The following SYNE2 variants were observed in gnomAD, a reference collection of about 807,000 sequenced individuals.
SYNE2 encodes the protein spectrin repeat containing nuclear envelope protein 2.
In SYNE2, 431 loss-of-function variants were observed where a neutral mutation model predicts 856.3. That is an observed-to-expected ratio of 0.50 (90% CI 0.47 to 0.55). The LOEUF is 0.55. SYNE2 is among the 20% of genes least tolerant of loss of function. The probability of loss-of-function intolerance (pLI) is 0.00; values close to 1 mark genes in which losing one functional copy is unlikely to be tolerated. For synonymous variants in SYNE2, 2,923 were observed against 2,872.3 expected (o/e 1.02, Z -0.56); for missense variants, 8,129 against 8,023.2 (o/e 1.01, Z -0.50).
intron 1 of SYNE2, among the ~76,000 whole-genome samples, chr14:63,783,427 G>T (rs983286205): frequency 6.6e-6 from 1 of 152,044 alleles, no homozygotes; most frequent in African/African-American, 2.4e-5. Flanking sequence ...GCCCAGGCCG[G>T]AGTGCAGTGG....
intron 49 of SYNE2, among the ~76,000 whole-genome samples, chr14:64,058,210 G>C (rs2097288548): frequency 6.6e-6 from 1 of 152,190 alleles, no homozygotes; most frequent in Non-Finnish European, 1.5e-5. Flanking sequence ...TGGTGTCCTA[G>C]AGAGTTTTCC....
intron 31 of SYNE2, among the ~76,000 whole-genome samples, chr14:64,007,490 T>C (rs1567036429): frequency 6.6e-6 from 1 of 152,090 alleles, no homozygotes; most frequent in Non-Finnish European, 1.5e-5. Flanking sequence ...ACTGGGGTGG[T>C]TTCCTATTGC....
intron 84 of SYNE2, among the ~76,000 whole-genome samples, chr14:64,150,321 A>AAAAAAGG (rs766798501): frequency 5.6e-4 from 67 of 119,478 alleles, no homozygotes; most frequent in African/African-American, 2.1e-3. Context: ...AAAAAAAAAA[A>AAAAAAGG]GGATCCTCCC....
chr14:64,013,567 G>C (rs2096865082), intron 32 of SYNE2, among the ~76,000 whole-genome samples: 1 of 152,074 alleles, frequency 6.6e-6, no homozygotes, highest in Non-Finnish European at 1.5e-5. Flanking sequence ...ACTTATAAGT[G>C]AGACCATGCG....
intron 1 of SYNE2, among the ~76,000 whole-genome samples, chr14:63,822,599 T>G (rs1037918000): frequency 6.6e-6 from 1 of 152,198 alleles, no homozygotes; most frequent in African/African-American, 2.4e-5. Context: ...GAGATGTTCA[T>G]GTGAAAATTT....
chr14:64,075,916 G>T, intron 53 of SYNE2, 29 bp from the exon 54 acceptor site: 10 of 1,612,646 alleles, frequency 6.2e-6, no homozygotes, highest in Non-Finnish European at 8.5e-6. Flanking sequence ...CCAGTCTCGT[G>T]AGTATTGCAA....
intron 1 of SYNE2, among the ~76,000 whole-genome samples, chr14:63,809,540 C>A (rs1888531766): frequency 6.6e-6 from 1 of 152,186 alleles, no homozygotes; most frequent in South Asian, 2.1e-4. Flanking sequence ...AGTGCGGGGG[C>A]ATGATCATAG....
At chr14:63,856,625 A>G (rs1178348720) in intron 1 of SYNE2, among the ~76,000 whole-genome samples, 1 of 152,190 alleles carries the variant, frequency 6.6e-6, no homozygotes, top group Admixed American at 6.5e-5. Context: ...ACAATAGCCT[A>G]TTCTCTGAGT....
At position 63,876,265 on chromosome 14, in the gene SYNE2, A is replaced by G. The variant is rs908987941; in HGVS notation, c.-52+23122A>G. On this transcript the variant is annotated intron_variant, in intron 1 of 115. Transcript: ENST00000555002. ...CTATCTCTACAAAAAAAAAAAAAAAAAGTTAGCGGGGTGTGTTGGCACACG... is the reference window on the plus strand; with the variant it reads ...CTATCTCTACAAAAAAAAAAAAAAAGAGTTAGCGGGGTGTGTTGGCACACG... Among the ~76,000 whole-genome samples, 3 of 151,328 alleles carry G rather than the reference A, an allele frequency of 2.0e-5. 1 individual carries two copies. The Middle Eastern group carries it at 0.01, about 515-fold the overall frequency.
In SYNE2 at chr14:63,983,735, A is replaced by G; in HGVS notation, c.2002-2A>G. On this transcript the variant is annotated splice_acceptor_variant, in intron 17 of 115. Coordinates refer to ENST00000555002, the MANE Select transcript of SYNE2 (RefSeq NM_182914.3). LOFTEE classifies it high-confidence loss of function. The stretch of plus-strand genomic sequence containing the variant: ...TACATTTCATGAAATTATTTTGTAT[A>G]GGAAATGAACCTGCCACTGATGATA... 6.2e-7 allele frequency: 1 copy of G among 1,610,804 alleles called. No homozygotes were observed. Among genetic ancestry groups the G allele is most frequent in the Non-Finnish European group, 8.5e-7 (1 of 1,177,480 alleles).
At chr14:64,099,619 C>A in intron 63 of SYNE2, 1 of 152,130 alleles carries the variant, frequency 6.6e-6, no homozygotes, top group Non-Finnish European at 1.5e-5. Context: ...GACCAGGGGC[C>A]AAAAAGAGTG....
chr14:64,082,773 C>G (rs748060431), intron 57 of SYNE2, among the ~76,000 whole-genome samples: 1 of 152,198 alleles, frequency 6.6e-6, no homozygotes, highest in Admixed American at 6.5e-5. Context: ...ATTAGTTACA[C>G]AGCAATAGAA....
chr14:63,880,033 C>T (rs187967447), intron 1 of SYNE2, among the ~76,000 whole-genome samples: 2 of 152,140 alleles, frequency 1.3e-5, no homozygotes, highest in Admixed American at 1.3e-4. Context: ...TATTTATTTT[C>T]TTATTTCACT....
intron 108 of SYNE2, among the ~76,000 whole-genome samples, chr14:64,216,776 G>A (rs956996737): frequency 6.6e-6 from 1 of 152,202 alleles, no homozygotes; most frequent in Non-Finnish European, 1.5e-5. Flanking sequence ...CCAGGCTGGA[G>A]TGCACTGGCA....
At position 64,090,983 on chromosome 14, in the gene SYNE2, A is replaced by G. The variant is rs1422076069; in HGVS notation, c.11911A>G (p.Asn3971Asp). The G allele has an allele frequency of 8.7e-6, 14 of 1,614,028 alleles. 1 individual carries two copies. Among genetic ancestry groups the G allele is most frequent in the South Asian group, 6.6e-5 (6 of 91,086 alleles). Reference protein sequence around the residue: ...MKPLPVFQRTNQLLQDIKLLE... With the variant: ...MKPLPVFQRTDQLLQDIKLLE... ...ACCTCTGCCTGTGTTTCAGCGGACA[A>G]ATCAGCTTTTACAAGATATAAAACT... Residue 3971 changes from asparagine (N) to aspartate (D), a missense_variant, in exon 60 of 116, where the codon AAT becomes GAT. Asn to Asp is a conservative substitution (Grantham distance 23). Coordinates refer to ENST00000555002, the MANE Select transcript of SYNE2 (RefSeq NM_182914.3).
At chr14:64,077,875 A>T in intron 54 of SYNE2, among the ~76,000 whole-genome samples, 1 of 152,182 alleles carries the variant, frequency 6.6e-6, no homozygotes, top group East Asian at 1.9e-4. Context: ...TCAGTAGCTA[A>T]GTTTCTGATG....
At chr14:63,869,377 G>A (rs752427528) in intron 1 of SYNE2, among the ~76,000 whole-genome samples, 1 of 152,096 alleles carries the variant, frequency 6.6e-6, no homozygotes, top group Non-Finnish European at 1.5e-5. Flanking sequence ...TGTAATCCCA[G>A]CACTTTGGGA....
At chr14:64,117,444 C>T (rs1390371230) in intron 66 of SYNE2, among the ~76,000 whole-genome samples, 1 of 152,046 alleles carries the variant, frequency 6.6e-6, no homozygotes, top group Admixed American at 6.6e-5. Context: ...GGACTACAGG[C>T]GTACACCACC....
chr14:64,218,455 A>G lies in SYNE2; in HGVS notation c.19600A>G (p.Asn6534Asp), dbSNP rs1229361580. The G allele has an allele frequency of 1.2e-6, 2 of 1,614,120 alleles. No homozygotes were observed. The highest frequency in any genetic ancestry group is 8.5e-7 in the Non-Finnish European group (1 of 1,180,022). Residue 6534 changes from asparagine (N) to aspartate (D), a missense_variant, in exon 109 of 116, where the codon AAT becomes GAT. This residue lies in a region of SYNE2 where 5,410 missense variants were observed against 5,284.8 expected (regional missense o/e 1.02). Coordinates refer to ENST00000555002, the MANE Select transcript of SYNE2 (RefSeq NM_182914.3). ...TGGCAAAGAAGGCCCGCGAGTCCTG[A>G]ATGGCAACCCACAGCAGGAAGACGG... ...DGGKEGPRVLNGNPQQEDGGL... is the reference protein window; with the variant it reads ...DGGKEGPRVLDGNPQQEDGGL...
Sources: gnomAD v4.1 joint callset for allele counts (sites outside exome capture counted in the v4.1 genomes callset) on GRCh38, gnomAD v4.1.1 for gene constraint, gnomAD v4.1.1 regional missense constraint, MANE v1.5 for transcripts, NCBI Gene and HGNC (gene_info 2026-07-23, HGNC 2026-07-21) for gene names.